SYT9: variants seen among roughly 807,000 people sequenced by gnomAD.
SYT9 encodes the protein synaptotagmin-9.
A neutral mutation model predicts 48.4 loss-of-function variants in SYT9; 22 were observed. The ratio of observed to expected loss-of-function variants is 0.45; its 90% CI spans 0.32 to 0.65. The LOEUF (loss-of-function observed/expected upper bound fraction) is 0.65. Ranked by LOEUF, SYT9 falls within the 30% of genes least tolerant of loss-of-function variation. The pLI, the probability that SYT9 is intolerant of heterozygous loss-of-function variation, is 0.03. For synonymous variants in SYT9, 265 were observed against 245.0 expected (o/e 1.08, Z -0.76); for missense variants, 577 against 622.0 (o/e 0.93, Z 0.77).
chr11:7,259,229 T>A (rs1199414932), intron 1 of SYT9, among the ~76,000 whole-genome samples: 2 of 152,164 alleles, frequency 1.3e-5, no homozygotes, highest in Non-Finnish European at 2.9e-5. Context: ...ACGTAGTAAA[T>A]GCTCAATAAA....
chr11:7,389,087 G>A (rs955127933), intron 3 of SYT9, among the ~76,000 whole-genome samples: 1 of 152,158 alleles, frequency 6.6e-6, no homozygotes, highest in African/African-American at 2.4e-5. Flanking sequence ...GAAAGTACCA[G>A]CTCTTTACTG....
intron 3 of SYT9, among the ~76,000 whole-genome samples, chr11:7,353,401 C>T (rs1441738959): frequency 2.0e-5 from 3 of 152,264 alleles, no homozygotes; most frequent in Admixed American, 6.5e-5. Context: ...TCAGCAGCAC[C>T]CAGTGGGCAG....
chr11:7,319,412 G>C (rs201487041), intron 3 of SYT9, among the ~76,000 whole-genome samples: 1 of 65,674 alleles, frequency 1.5e-5, no homozygotes, highest in African/African-American at 3.9e-5. Context: ...TCATTTCATT[G>C]TCTTCTGACC....
At chr11:7,375,099 G>C (rs61139705) in intron 3 of SYT9, among the ~76,000 whole-genome samples, 5,809 of 152,172 alleles carry the variant, frequency 0.038, 397 homozygotes, top group African/African-American at 0.13. Context: ...TTTTGTATAA[G>C]GTGTAAGGAA....
intron 3 of SYT9, among the ~76,000 whole-genome samples, chr11:7,407,971 G>T (rs1002668875): frequency 1.3e-5 from 2 of 152,182 alleles, no homozygotes; most frequent in Admixed American, 1.3e-4. Context: ...GATGCCTCCA[G>T]CATTGTCGTT....
intron 3 of SYT9, among the ~76,000 whole-genome samples, chr11:7,384,692 T>C (rs1850625024): frequency 6.6e-6 from 1 of 152,234 alleles, no homozygotes; most frequent in South Asian, 2.1e-4. Context: ...ACTTGAGCTG[T>C]GTTGTGCTAC....
At chr11:7,454,074 A>G (rs1158796357) in intron 6 of SYT9, 5 of 985,276 alleles carry the variant, frequency 5.1e-6, no homozygotes, top group Non-Finnish European at 6.0e-6. Context: ...AGTCCAGGTG[A>G]GTCGCCCCTT....
At chr11:7,426,962 C>G (rs374481181) in intron 6 of SYT9, among the ~76,000 whole-genome samples, 2 of 152,144 alleles carry the variant, frequency 1.3e-5, no homozygotes, top group African/African-American at 4.8e-5. Flanking sequence ...ACTAGCTGAT[C>G]ATTTACCTTG....
rs12099284 is a variant in SYT9 at position 7,424,995 on chromosome 11, C to T, written c.1467+4360C>T. On this transcript the variant is annotated intron_variant, in intron 6 of 6. Transcript: ENST00000318881. ...CCCTCAGCCTCTAGAAGGGTATAAA[C>T]TTAGAGTCAAAGGACTACAGCAACT... Among the ~76,000 whole-genome samples the T allele has an allele frequency of 2.0e-3, 307 of 152,278 alleles. 1 individual carries two copies. The highest frequency in any genetic ancestry group is 7.2e-3 in the African/African-American group (301 of 41,542).
At chr11:7,454,068 C>T (rs1848106276) in intron 6 of SYT9, 1 of 985,320 alleles carries the variant, frequency 1.0e-6, no homozygotes. Context: ...TCCCTAAGTC[C>T]AGGTGAGTCG....
chr11:7,316,645 A>G (rs951696879), intron 3 of SYT9, among the ~76,000 whole-genome samples: 2 of 152,182 alleles, frequency 1.3e-5, no homozygotes, highest in African/African-American at 4.8e-5. Flanking sequence ...TCATTTCTCT[A>G]GAGTTTATCC....
intron 6 of SYT9, among the ~76,000 whole-genome samples, chr11:7,448,372 G>A (rs967700424): frequency 1.3e-5 from 2 of 152,214 alleles, no homozygotes; most frequent in Admixed American, 6.5e-5. Context: ...CTTTGATGGC[G>A]CCTGCTAAAA....
chr11:7,391,149 C>G (rs920246737), intron 3 of SYT9, among the ~76,000 whole-genome samples: 3 of 152,108 alleles, frequency 2.0e-5, no homozygotes, highest in African/African-American at 7.2e-5. Flanking sequence ...TCTGTAAGGA[C>G]ATGATTTTGT....
intron 6 of SYT9, chr11:7,440,532 C>T (rs1847811683): frequency 6.6e-6 from 1 of 152,222 alleles, no homozygotes; most frequent in Admixed American, 6.5e-5. Context: ...TCTGCCAAAA[C>T]TCTTCAAAGC....
At chr11:7,452,206 A>G (rs1053069459) in intron 6 of SYT9, among the ~76,000 whole-genome samples, 5 of 152,282 alleles carry the variant, frequency 3.3e-5, no homozygotes, top group Non-Finnish European at 4.4e-5. Context: ...AATCAAAAGT[A>G]TAGTAATCTT....
chr11:7,365,337 T>A (rs1349126159), intron 3 of SYT9, among the ~76,000 whole-genome samples: 1 of 152,200 alleles, frequency 6.6e-6, no homozygotes, highest in East Asian at 1.9e-4. Flanking sequence ...GAGAGCAATT[T>A]TTTGGTATTT....
At chr11:7,439,950 C>T (rs1399227994) in intron 6 of SYT9, 2 of 152,230 alleles carry the variant, frequency 1.3e-5, no homozygotes, top group East Asian at 1.9e-4. Context: ...TGCCACCAAA[C>T]TTAGAAATGT....
At chr11:7,406,983 G>A (rs1847027040) in intron 3 of SYT9, among the ~76,000 whole-genome samples, 1 of 152,038 alleles carries the variant, frequency 6.6e-6, no homozygotes, top group Non-Finnish European at 1.5e-5. Context: ...TTGGCCATTT[G>A]TATGTATGTC....
chr11:7,268,607 T>C (rs763211304), intron 1 of SYT9, among the ~76,000 whole-genome samples: 9 of 151,996 alleles, frequency 5.9e-5, no homozygotes, highest in Non-Finnish European at 1.0e-4. Context: ...ATTACAGTAA[T>C]AGGTTTTTTG....
Sources: gnomAD v4.1 joint callset for allele counts (sites outside exome capture counted in the v4.1 genomes callset) on GRCh38, gnomAD v4.1.1 for gene constraint, MANE v1.5 for transcripts, NCBI Gene and HGNC (gene_info 2026-07-23, HGNC 2026-07-21) for gene names.